Variants in C11orf97 observed in about 807,000 individuals in gnomAD.
C11orf97 encodes the protein chromosome 11 open reading frame 97.
C11orf97 carries 15 observed loss-of-function variants against 16.2 expected under a neutral mutation model. The observed-to-expected ratio is 0.93, with a 90% CI of 0.62 to 1.43. The LOEUF is 1.43. C11orf97 is among the 40% of genes most tolerant of loss of function. The pLI, the probability that C11orf97 is intolerant of heterozygous loss-of-function variation, is 0.00. For missense variants in C11orf97, 171 were observed against 161.2 expected, an observed-to-expected ratio of 1.06 and a Z score of -0.33; for synonymous variants, 61 against 65.7, an observed-to-expected ratio of 0.93 and a Z score of 0.34.
intron 2 of C11orf97, among the ~76,000 whole-genome samples, chr11:94,521,585 A>T: frequency 6.6e-6 from 1 of 152,050 alleles, no homozygotes; most frequent in East Asian, 1.9e-4. Context: ...GTCGAGGAGG[A>T]TCCATATTTC....
chr11:94,515,773 G>C (rs1029401044), intron 1 of C11orf97, among the ~76,000 whole-genome samples: 4 of 151,756 alleles, frequency 2.6e-5, no homozygotes, highest in Admixed American at 2.6e-4. Context: ...CTCCTGAGCA[G>C]GAGATATTTA....
At chr11:94,514,250 GGC>G (rs373026301) in intron 1 of C11orf97, among the ~76,000 whole-genome samples, 73,762 of 151,416 alleles carry the variant, frequency 0.49, 18,778 homozygotes, top group Non-Finnish European at 0.56. Context: ...TTACATGCTA[GGC>G]ATTCCACAAG....
chr11:94,526,761 A>G (rs924212672), intron 2 of C11orf97, among the ~76,000 whole-genome samples: 2 of 152,236 alleles, frequency 1.3e-5, no homozygotes, highest in Admixed American at 1.3e-4. Flanking sequence ...TAGAAGGAAC[A>G]GCTTAAACTT....
rs961927602 is a variant in C11orf97 at position 94,519,896 on chromosome 11, A to C, written c.250+2209A>C. Among the ~76,000 whole-genome samples, 10 of 152,350 alleles carry C rather than the reference A, an allele frequency of 6.6e-5. No individual in the cohort carries two copies. The South Asian group carries it at 2.1e-3, about 32-fold the overall frequency. On this transcript the variant is annotated intron_variant, in intron 2 of 3. Coordinates refer to ENST00000542198, the MANE Select transcript of C11orf97 (RefSeq NM_001190462.2). ...AGCCCAGCCTCAGAGCCTAGAGGCC[A>C]GCCATTGGACATTTGCTTCTAATTC...
At position 94,512,659 on chromosome 11, in the gene C11orf97, A is replaced by G; in HGVS notation, c.131A>G (p.Glu44Gly). ...GGGGAACCCGGCCGCGGCCCCCTAG[A>G]GCACGGCCAGCAGTGTGAGTTCAGC... ...ARGEPGRGPL[E>G]HGQQWKKFLY... Residue 44 changes from glutamate (E) to glycine (G), a missense_variant, in exon 1 of 4, where the codon GAG becomes GGG. Glu to Gly is a moderately conservative substitution (Grantham distance 98). Coordinates refer to ENST00000542198, the MANE Select transcript of C11orf97 (RefSeq NM_001190462.2). 1.6e-6 allele frequency: 2 copies of G among 1,244,704 alleles called. No individual in the cohort carries two copies. Among genetic ancestry groups the G allele is most frequent in the Non-Finnish European group, 2.0e-6 (2 of 993,956 alleles). 77.1% of individuals were successfully genotyped at this position (1,244,704 alleles called of 1,614,324 possible).
At chr11:94,531,526 C>CAAAAAAAA (rs35270400) in intron 3 of C11orf97, among the ~76,000 whole-genome samples, 2 of 92,074 alleles carry the variant, frequency 2.2e-5, no homozygotes, top group Non-Finnish European at 4.2e-5. Flanking sequence ...CAAAACAAGC[C>CAAAAAAAA]AAAAAAAAAA....
chr11:94,514,714 G>A (rs968698243), intron 1 of C11orf97, among the ~76,000 whole-genome samples: 4 of 147,314 alleles, frequency 2.7e-5, no homozygotes, highest in East Asian at 2.0e-4. Flanking sequence ...GCGCGATCTC[G>A]GCTCACCGCA....
At chr11:94,526,638 G>A (rs936232737) in intron 2 of C11orf97, among the ~76,000 whole-genome samples, 1 of 152,150 alleles carries the variant, frequency 6.6e-6, no homozygotes, top group Non-Finnish European at 1.5e-5. Context: ...AAATGTCATA[G>A]GCTCCTAAAT....
intron 1 of C11orf97, 87 bp from the exon 2 acceptor site, chr11:94,517,496 T>A (rs1947620317): frequency 2.9e-6 from 2 of 685,386 alleles, no homozygotes; most frequent in Non-Finnish European, 4.4e-6. Flanking sequence ...TGTCTTCTTT[T>A]AAAAAAATTG....
intron 3 of C11orf97, among the ~76,000 whole-genome samples, chr11:94,529,020 C>T (rs964831711): frequency 6.6e-6 from 1 of 152,258 alleles, no homozygotes; most frequent in South Asian, 2.1e-4. Context: ...TGGCTCACAC[C>T]TGTAATCCCA....
intron 1 of C11orf97, among the ~76,000 whole-genome samples, chr11:94,513,606 A>G (rs1947585698): frequency 6.6e-6 from 1 of 152,162 alleles, no homozygotes; most frequent in African/African-American, 2.4e-5. Context: ...TTGGTGGACC[A>G]CACACTCTCC....
intron 2 of C11orf97, among the ~76,000 whole-genome samples, chr11:94,522,229 G>A (rs1026859857): frequency 1.3e-5 from 2 of 152,030 alleles, no homozygotes; most frequent in Admixed American, 6.6e-5. Flanking sequence ...GGCCCAACAT[G>A]TCCAAAACAA....
chr11:94,514,731 C>T (rs981758582), intron 1 of C11orf97, among the ~76,000 whole-genome samples: 5 of 150,638 alleles, frequency 3.3e-5, no homozygotes, highest in Non-Finnish European at 5.9e-5. Context: ...CGCAACTTCC[C>T]CTTCCTGGGT....
rs777364533 is a variant in C11orf97, at chr11:94,532,038, A to G, written c.*138A>G. ...TGTAATTACTATTATTGGTATTAAT[A>G]CCTATCTATAAATTAATCCAAAGTA... On this transcript the variant is annotated 3_prime_UTR_variant, in exon 4 of 4. Coordinates refer to ENST00000542198, the MANE Select transcript of C11orf97 (RefSeq NM_001190462.2). The G allele has an allele frequency of 1.1e-5, 6 of 531,986 alleles. No individual in the cohort carries two copies. Among genetic ancestry groups the G allele is most frequent in the Non-Finnish European group, 1.8e-5 (6 of 333,858 alleles). 33.0% of individuals were successfully genotyped at this position (531,986 alleles called of 1,614,324 possible).
chr11:94,515,502 T>A (rs1947604775), intron 1 of C11orf97, among the ~76,000 whole-genome samples: 1 of 151,986 alleles, frequency 6.6e-6, no homozygotes. Context: ...GTTTGTAGAA[T>A]TTTCTTTCTC....
At chr11:94,521,293 T>C (rs1307242499) in intron 2 of C11orf97, among the ~76,000 whole-genome samples, 1 of 152,240 alleles carries the variant, frequency 6.6e-6, no homozygotes, top group African/African-American at 2.4e-5. Context: ...TTCAATGTGA[T>C]GGTGTGAAAG....
intron 3 of C11orf97, among the ~76,000 whole-genome samples, chr11:94,528,503 C>A (rs1947716044): frequency 6.6e-6 from 1 of 152,192 alleles, no homozygotes. Context: ...ACACAGTCAG[C>A]CTCTGTGAAG....
intron 1 of C11orf97, among the ~76,000 whole-genome samples, chr11:94,513,751 T>G (rs1056797813): frequency 6.6e-6 from 1 of 152,248 alleles, no homozygotes; most frequent in African/African-American, 2.4e-5. Context: ...TGCAGAGGCC[T>G]TGCTTAGAGC....
intron 2 of C11orf97, among the ~76,000 whole-genome samples, chr11:94,518,266 A>G (rs114503356): frequency 0.015 from 2,358 of 152,272 alleles, 61 homozygotes; most frequent in African/African-American, 0.054. Context: ...GAAAAACACA[A>G]TAATAACTTC....
Sources: gnomAD v4.1 joint callset for allele counts (sites outside exome capture counted in the v4.1 genomes callset) on GRCh38, gnomAD v4.1.1 for gene constraint, MANE v1.5 for transcripts, NCBI Gene and HGNC (gene_info 2026-07-23, HGNC 2026-07-21) for gene names.